Variants in TCEA3 observed in about 807,000 individuals in gnomAD.
The protein encoded by TCEA3 is transcription elongation factor A3.
Under a neutral mutation model 44.0 loss-of-function variants are expected in TCEA3, and 36 were observed. The observed-to-expected ratio is 0.82, with a 90% confidence interval of 0.63 to 1.08. The LOEUF (loss-of-function observed/expected upper bound fraction) is 1.08, where lower values mean the gene tolerates loss of function less well. Ranked by LOEUF, TCEA3 falls within the 50% of genes least tolerant of loss-of-function variation. The probability of loss-of-function intolerance (pLI) is 0.00; values close to 1 mark genes in which losing one functional copy is unlikely to be tolerated. For synonymous variants in TCEA3, 162 were observed against 159.7 expected (o/e 1.01, Z -0.11); for missense variants, 392 against 441.2 (o/e 0.89, Z 1.00).
chr1:23,412,694 G>A (rs1033709055), intron 4 of TCEA3, among the ~76,000 whole-genome samples: 1 of 151,126 alleles, frequency 6.6e-6, no homozygotes, highest in Non-Finnish European at 1.5e-5. Context: ...GGCAACAAGA[G>A]TGAAACTCCA....
chr1:23,385,952 T>C (rs753557232), intron 9 of TCEA3, among the ~76,000 whole-genome samples: 1 of 152,212 alleles, frequency 6.6e-6, no homozygotes, highest in Non-Finnish European at 1.5e-5. Context: ...GGGCCTCAGT[T>C]TCCCTGGGTG....
chr1:23,391,969 G>T (rs1274518447), intron 8 of TCEA3, among the ~76,000 whole-genome samples: 2 of 152,096 alleles, frequency 1.3e-5, no homozygotes, highest in Non-Finnish European at 2.9e-5. Flanking sequence ...ATAAATGCCT[G>T]TTGTTTATAA....
At chr1:23,399,243 G>C (rs1639325831) in intron 5 of TCEA3, among the ~76,000 whole-genome samples, 1 of 145,870 alleles carries the variant, frequency 6.9e-6, no homozygotes, top group Non-Finnish European at 1.5e-5. Flanking sequence ...CAAAATATCA[G>C]ACTGGGAGGC....
At chr1:23,418,836 C>T (rs889980340) in intron 2 of TCEA3, among the ~76,000 whole-genome samples, 18 of 152,006 alleles carry the variant, frequency 1.2e-4, no homozygotes, top group Admixed American at 7.2e-4. Context: ...TCAAGAAAAG[C>T]GAACCAGTCT....
chr1:23,413,436 T>G (rs988603978), intron 4 of TCEA3, among the ~76,000 whole-genome samples: 2 of 148,526 alleles, frequency 1.3e-5, no homozygotes, highest in Non-Finnish European at 3.0e-5. Flanking sequence ...CCCATATGTA[T>G]GTTCTTTTTG....
chr1:23,389,261 G>C (rs1048112484), intron 8 of TCEA3, among the ~76,000 whole-genome samples: 1 of 152,150 alleles, frequency 6.6e-6, no homozygotes, highest in African/African-American at 2.4e-5. Context: ...GCTGGGACAG[G>C]TGGATCACCT....
chr1:23,408,241 C>T (rs1050865286), intron 5 of TCEA3, among the ~76,000 whole-genome samples: 6 of 152,134 alleles, frequency 3.9e-5, no homozygotes, highest in Non-Finnish European at 8.8e-5. Context: ...GGATTACAGG[C>T]ATGAGCCACT....
chr1:23,388,328 G>T (rs1638917435), intron 8 of TCEA3, among the ~76,000 whole-genome samples: 1 of 151,636 alleles, frequency 6.6e-6, no homozygotes, highest in African/African-American at 2.4e-5. Flanking sequence ...CTCCCGAGTA[G>T]CTGGGACTAC....
chr1:23,422,296 G>A (rs1037914844), intron 1 of TCEA3, among the ~76,000 whole-genome samples: 6 of 152,188 alleles, frequency 3.9e-5, no homozygotes, highest in African/African-American at 9.7e-5. Flanking sequence ...GTCAGTAGCC[G>A]TGTCTCATAC....
chr1:23,424,739 C>G lies in TCEA3; in HGVS notation c.-106G>C. 2 of 712,864 alleles carry G rather than the reference C, an allele frequency of 2.8e-6. No individual in the cohort carries two copies. Among genetic ancestry groups the G allele is most frequent in the Admixed American group, 5.5e-5 (2 of 36,312 alleles). The allele number at this position is 712,864 out of a possible 1,614,324, so 44.2% of individuals were successfully genotyped here. A position where few individuals can be genotyped will look rare whatever the true frequency, so the allele number is the denominator to read the frequency against. Reference sequence around the variant, plus strand: ...GCGCGCAACCCGCGCGGGCCCCAAACACACACGACACACACGCCCGGCGGG... The same window carrying G: ...GCGCGCAACCCGCGCGGGCCCCAAAGACACACGACACACACGCCCGGCGGG... On this transcript the variant is annotated 5_prime_UTR_variant, in exon 1 of 11. Coordinates refer to ENST00000450454, the MANE Select transcript of TCEA3 (RefSeq NM_003196.3).
In TCEA3 at chr1:23,393,995, G is replaced by A. The variant is rs557332428; in HGVS notation, c.703C>T (p.Arg235Trp). ...QELKSTDMKY[R>W]NRVRSRISNL... is the part of the protein sequence containing the mutation. ...CTTATGCGGCTGCGCACGCGGTTCC[G>A]GTACTTCATGTCCGTGCTCTTGAGC... Residue 235 changes from arginine to tryptophan, a missense_variant, in exon 8 of 11, where the codon CGG (arginine) becomes TGG (tryptophan). By Grantham distance (101) the Arg-to-Trp change is moderately radical. Transcript: ENST00000450454. The A allele has an allele frequency of 1.2e-5, 20 of 1,613,912 alleles. No homozygotes were observed. The highest frequency in any genetic ancestry group is 1.6e-4 in the Middle Eastern group (1 of 6,084).
intron 4 of TCEA3, among the ~76,000 whole-genome samples, chr1:23,409,166 G>A (rs778070282): frequency 6.6e-6 from 1 of 152,156 alleles, no homozygotes; most frequent in Non-Finnish European, 1.5e-5. Flanking sequence ...TTAGGAGGAG[G>A]AGAGGAGAAA....
intron 5 of TCEA3, among the ~76,000 whole-genome samples, chr1:23,398,288 G>A (rs925762066): frequency 9.2e-5 from 14 of 152,316 alleles, no homozygotes; most frequent in East Asian, 1.9e-4. Flanking sequence ...ACCAGCCACT[G>A]TGCGTTACTC....
At chr1:23,382,217 T>C (rs1233760000) in intron 10 of TCEA3, among the ~76,000 whole-genome samples, 1 of 152,106 alleles carries the variant, frequency 6.6e-6, no homozygotes, top group East Asian at 1.9e-4. Context: ...TGGCTAATTT[T>C]GTATTTTTAG....
intron 9 of TCEA3, among the ~76,000 whole-genome samples, chr1:23,384,816 G>A (rs1215071279): frequency 1.3e-5 from 2 of 151,968 alleles, no homozygotes; most frequent in South Asian, 2.1e-4. Flanking sequence ...ACAGGCGCCC[G>A]CCACCACGCC....
chr1:23,411,078 T>A (rs976855915), intron 4 of TCEA3: 3 of 198,298 alleles, frequency 1.5e-5, no homozygotes, highest in Non-Finnish European at 3.3e-5. Context: ...CAAGATGACA[T>A]GGCACAGAAT....
At chr1:23,396,174 G>A (rs573184868) in intron 7 of TCEA3, among the ~76,000 whole-genome samples, 4 of 152,132 alleles carry the variant, frequency 2.6e-5, no homozygotes, top group Non-Finnish European at 5.9e-5. Flanking sequence ...AGATGGAAAC[G>A]CAAATTTGTC....
chr1:23,392,513 TCATA>T (rs1639080821), intron 8 of TCEA3, among the ~76,000 whole-genome samples: 1 of 16,524 alleles, frequency 6.1e-5, no homozygotes, highest in Non-Finnish European at 1.1e-4. Context: ...ACTCCATACA[TCATA>T]CACACATATT....
chr1:23,394,250 A>G (rs1639151110), intron 7 of TCEA3, among the ~76,000 whole-genome samples: 1 of 152,200 alleles, frequency 6.6e-6, no homozygotes, highest in African/African-American at 2.4e-5. Context: ...CTTCTGGGGT[A>G]AGATCAGATC....
Sources: gnomAD v4.1 joint callset for allele counts (sites outside exome capture counted in the v4.1 genomes callset) on GRCh38, gnomAD v4.1.1 for gene constraint, MANE v1.5 for transcripts, NCBI Gene and HGNC (gene_info 2026-07-23, HGNC 2026-07-21) for gene names.